The following MAP3K2 variants were observed in gnomAD, a reference collection of about 807,000 sequenced individuals.
The protein encoded by MAP3K2 is MAP/ERK kinase kinase 2.
A neutral mutation model predicts 80.3 loss-of-function variants in MAP3K2; 24 were observed. That is an observed-to-expected ratio of 0.30 (90% CI 0.22 to 0.42). The LOEUF is 0.42. Among genes scored for constraint, MAP3K2 ranks in the 10% least tolerant of loss-of-function variants. The probability of loss-of-function intolerance (pLI) is 1.00; values close to 1 mark genes in which losing one functional copy is unlikely to be tolerated. For synonymous variants in MAP3K2, 244 were observed against 253.7 expected (o/e 0.96, Z 0.36); for missense variants, 608 against 750.1 (o/e 0.81, Z 2.21).
At chr2:127,334,434 T>A (rs1278430349) in intron 5 of MAP3K2, among the ~76,000 whole-genome samples, 5 of 152,218 alleles carry the variant, frequency 3.3e-5, no homozygotes, top group Non-Finnish European at 7.3e-5. Context: ...AGACATTTTT[T>A]AAAAATTTAT....
chr2:127,372,222 G>A (rs184439255), intron 1 of MAP3K2, among the ~76,000 whole-genome samples: 14 of 152,244 alleles, frequency 9.2e-5, no homozygotes, highest in Admixed American at 2.6e-4. Context: ...TACTAGTTAT[G>A]ATGGAATGTA....
intron 3 of MAP3K2, among the ~76,000 whole-genome samples, chr2:127,338,522 C>T (rs1407092098): frequency 6.6e-6 from 1 of 152,104 alleles, no homozygotes; most frequent in Non-Finnish European, 1.5e-5. Flanking sequence ...GTCTATTGCT[C>T]CCCTCTATGT....
rs1476345659 is a variant in MAP3K2, at chr2:127,305,804, G to A, written c.*1775C>T. On this transcript the variant is annotated 3_prime_UTR_variant, in exon 17 of 17. Transcript: ENST00000682094. ...TAGTAGCACAATTCTATTAGAGATA[G>A]TGGGGCCTTTCCCAGCTGTCTTGTT... is the stretch of plus-strand genomic sequence containing the variant. 3 of 152,134 alleles carry A rather than the reference G, an allele frequency of 2.0e-5. No homozygotes were observed. Among genetic ancestry groups the A allele is most frequent in the African/African-American group, 7.2e-5 (3 of 41,440 alleles). The allele number at this position is 152,134 out of a possible 1,614,324, so 9.4% of individuals were successfully genotyped here.
chr2:127,342,991 A>G, intron 2 of MAP3K2, 135 bp downstream of exon 2: 2 of 640,086 alleles, frequency 3.1e-6, no homozygotes, highest in Admixed American at 6.1e-5. Context: ...AAGTAAATAT[A>G]AAACATTTCA....
intron 1 of MAP3K2, among the ~76,000 whole-genome samples, chr2:127,380,802 G>T (rs1286799306): frequency 3.3e-5 from 5 of 152,192 alleles, no homozygotes; most frequent in African/African-American, 9.6e-5. Context: ...TGTTAAGTGT[G>T]TGTAGATATA....
intron 1 of MAP3K2, among the ~76,000 whole-genome samples, chr2:127,374,222 T>C (rs1022593654): frequency 6.6e-6 from 1 of 152,246 alleles, no homozygotes. Context: ...GTTTATTTAT[T>C]GCAGAACTTT....
At chr2:127,333,131 CAAA>C (rs34727603) in intron 5 of MAP3K2, among the ~76,000 whole-genome samples, 2 of 107,252 alleles carry the variant, frequency 1.9e-5, no homozygotes, top group Non-Finnish European at 1.9e-5. Context: ...GATGCTGTCT[CAAA>C]AAAAAAAAAA....
At chr2:127,371,869 T>C (rs559792959) in intron 1 of MAP3K2, among the ~76,000 whole-genome samples, 25 of 152,254 alleles carry the variant, frequency 1.6e-4, no homozygotes, top group African/African-American at 5.3e-4. Flanking sequence ...AGTCCAAATT[T>C]GATAAAAACG....
chr2:127,373,874 A>C (rs1375765507), intron 1 of MAP3K2, among the ~76,000 whole-genome samples: 1 of 152,234 alleles, frequency 6.6e-6, no homozygotes, highest in Non-Finnish European at 1.5e-5. Flanking sequence ...AGCAATTTGA[A>C]GCAGTATTAC....
chr2:127,325,857 T>C (rs753143592), intron 8 of MAP3K2, 50 bp from the exon 9 acceptor site: 1 of 1,346,050 alleles, frequency 7.4e-7, no homozygotes, highest in African/African-American at 1.5e-5. Context: ...TAACCAAAAG[T>C]TGCTTATTAA....
intron 15 of MAP3K2, 58 bp downstream of exon 15, chr2:127,314,696 T>C (rs1222738885): frequency 7.4e-7 from 1 of 1,348,628 alleles, no homozygotes; most frequent in African/African-American, 1.5e-5. Flanking sequence ...ACATCACTTG[T>C]TTCATTCACA....
At chr2:127,346,967 C>T (rs1056753340) in intron 1 of MAP3K2, among the ~76,000 whole-genome samples, 1 of 151,410 alleles carries the variant, frequency 6.6e-6, no homozygotes, top group Admixed American at 6.6e-5. Flanking sequence ...CTCTAGCCCG[C>T]GCGACAGAGC....
chr2:127,321,281 A>G lies in MAP3K2; in HGVS notation c.1045+765T>C, dbSNP rs539317973. ...GTTTATACAGATTTTGGATATATACAAAGATCTATAAAAATGAATAGACTG... is the reference window on the plus strand; with the variant it reads ...GTTTATACAGATTTTGGATATATACGAAGATCTATAAAAATGAATAGACTG... On this transcript the variant is annotated intron_variant, in intron 12 of 16. Transcript: ENST00000682094. This position sits in a 1 kb window ranked among gnomAD's most constrained non-coding sequence, Gnocchi z 4.4. Among the ~76,000 whole-genome samples the G allele has an allele frequency of 1.2e-3, 185 of 152,336 alleles. 3 individuals carry two copies. The South Asian group carries it at 0.037, about 31-fold the overall frequency.
rs75106643 is a variant in MAP3K2, at chr2:127,353,428, G to A, written c.-65-10234C>T. On this transcript the variant is annotated intron_variant, in intron 1 of 16. Coordinates refer to ENST00000682094, the MANE Select transcript of MAP3K2 (RefSeq NM_001371910.2). ...TGAGGAGACCCTCCGCCCGGCAGCC[G>A]CCCCGTCTGAGAAGTGAGGAGCCCC... is the stretch of plus-strand genomic sequence containing the variant. Among the ~76,000 whole-genome samples the A allele has an allele frequency of 1.1e-4, 17 of 150,592 alleles. 1 individual carries two copies. The highest frequency in any genetic ancestry group is 2.1e-4 in the Non-Finnish European group (14 of 67,714).
chr2:127,346,183 G>A (rs1239899020), intron 1 of MAP3K2, among the ~76,000 whole-genome samples: 1 of 151,300 alleles, frequency 6.6e-6, no homozygotes, highest in Non-Finnish European at 1.5e-5. Flanking sequence ...AAAAGGATAA[G>A]AGAATACTGT....
intron 1 of MAP3K2, among the ~76,000 whole-genome samples, chr2:127,363,313 T>C (rs908987877): frequency 6.6e-6 from 1 of 152,174 alleles, no homozygotes; most frequent in African/African-American, 2.4e-5. Context: ...TCACCAATCT[T>C]GATTTTAAAA....
At chr2:127,330,787 T>C (rs190414100) in intron 5 of MAP3K2, among the ~76,000 whole-genome samples, 3 of 152,366 alleles carry the variant, frequency 2.0e-5, no homozygotes, top group Non-Finnish European at 2.9e-5. Flanking sequence ...ATTTCCATAA[T>C]ATTGCTAAAT....
chr2:127,336,572 CTG>C (rs1460476800), intron 4 of MAP3K2, among the ~76,000 whole-genome samples: 3 of 152,196 alleles, frequency 2.0e-5, no homozygotes, highest in African/African-American at 4.8e-5. Context: ...AGGAAAAAGA[CTG>C]TGTCTGCTTT....
rs377348527 is a variant in MAP3K2 at position 127,324,244 on chromosome 2, A to C, written c.678-3T>G. Reference sequence around the variant, plus strand: ...TTCGTGATTTTGGATAGCTCTCTCTATAAAGAAAAAACATCACATTAAGTT... The same window carrying C: ...TTCGTGATTTTGGATAGCTCTCTCTCTAAAGAAAAAACATCACATTAAGTT... On this transcript the variant is annotated splice_polypyrimidine_tract_variant and splice_region_variant and intron_variant, in intron 9 of 16. Transcript: ENST00000682094. 6.6e-7 allele frequency: 1 copy of C among 1,524,602 alleles called. No individual in the cohort carries two copies. 94.4% of individuals were successfully genotyped at this position (1,524,602 alleles called of 1,614,324 possible). A position where few individuals can be genotyped will look rare whatever the true frequency, so the allele number is the denominator to read the frequency against.
Sources: allele counts gnomAD v4.1 joint callset (sites outside exome capture counted in the v4.1 genomes callset), GRCh38; gene constraint gnomAD v4.1.1; non-coding constraint Gnocchi (gnomAD v3.1); transcripts MANE v1.5; gene names NCBI Gene and HGNC (gene_info 2026-07-23, HGNC 2026-07-21).